DPP6: variants seen among roughly 807,000 people sequenced by gnomAD.
DPP6 encodes dipeptidyl peptidase like 6.
Under a neutral mutation model 122.6 loss-of-function variants are expected in DPP6, and 69 were observed. That is an observed-to-expected ratio of 0.56 (90% CI 0.46 to 0.69). The LOEUF (loss-of-function observed/expected upper bound fraction) is 0.69, where lower values mean the gene tolerates loss of function less well. Ranked by LOEUF, DPP6 falls within the 30% of genes least tolerant of loss-of-function variation. The pLI, the probability that DPP6 is intolerant of heterozygous loss-of-function variation, is 0.00. For synonymous variants in DPP6, 418 were observed against 433.1 expected (o/e 0.97, Z 0.43); for missense variants, 928 against 1,116.9 (o/e 0.83, Z 2.41).
At chr7:154,072,797 C>T (rs981177123) in intron 1 of DPP6, among the ~76,000 whole-genome samples, 1 of 152,256 alleles carries the variant, frequency 6.6e-6, no homozygotes, top group Non-Finnish European at 1.5e-5. Flanking sequence ...GCTTGATGTC[C>T]CTGGTGGTTC....
the DPP6 span, among the ~76,000 whole-genome samples, chr7:153,842,605 C>T: frequency 6.6e-6 from 1 of 152,052 alleles, no homozygotes. Flanking sequence ...TCAGTTTTTA[C>T]ATTTAAATCT....
rs1491144538 is a variant in DPP6 at position 154,608,321 on chromosome 7, A to ATG, written c.628-29499_628-29498insGT. On this transcript the variant is annotated intron_variant, in intron 5 of 25. Transcript: ENST00000377770. The stretch of plus-strand genomic sequence containing the variant: ...ATGCTTGCATTTTTTAGGAGTGATC[A>ATG]TATATATATATATATATATATTTTG... Among the ~76,000 whole-genome samples, 123 of 83,452 alleles carry ATG rather than the reference A, an allele frequency of 1.5e-3. 1 individual carries two copies. The highest frequency in any genetic ancestry group is 2.8e-3 in the Admixed American group (20 of 7,190). The allele number at this position is 83,452 out of a possible 152,430, so 54.7% of individuals were successfully genotyped here.
intron 5 of DPP6, among the ~76,000 whole-genome samples, chr7:154,634,526 C>T (rs1295589212): frequency 1.3e-5 from 2 of 152,108 alleles, no homozygotes; most frequent in Non-Finnish European, 2.9e-5. Context: ...TCCAGATATT[C>T]TATTCTAGTC....
rs935382596 is a variant in DPP6 at position 154,660,261 on chromosome 7, C to T, written c.681-9099C>T. Among the ~76,000 whole-genome samples the T allele has an allele frequency of 8.4e-5, 4 of 47,724 alleles. 1 individual carries two copies. Among genetic ancestry groups the T allele is most frequent in the African/African-American group, 1.5e-4 (4 of 25,844 alleles). The allele number at this position is 47,724 out of a possible 152,430, so 31.3% of individuals were successfully genotyped here. A position where few individuals can be genotyped will look rare whatever the true frequency, so the allele number is the denominator to read the frequency against. Reference sequence around the variant, plus strand: ...ATATAGTCATGGTGAATCACGATGGCGTATTGGCCGTAGTGTTCACGCAGT... The same window carrying T: ...ATATAGTCATGGTGAATCACGATGGTGTATTGGCCGTAGTGTTCACGCAGT... On this transcript the variant is annotated intron_variant, in intron 6 of 25. Coordinates refer to ENST00000377770, the MANE Select transcript of DPP6 (RefSeq NM_130797.4).
intron 1 of DPP6, among the ~76,000 whole-genome samples, chr7:154,374,915 A>G (rs1812999710): frequency 1.3e-5 from 2 of 152,148 alleles, no homozygotes; most frequent in Admixed American, 6.5e-5. Flanking sequence ...CCCGGCCGAC[A>G]TTATAGTTTT....
At chr7:154,283,109 CTCA>C (rs1804633869) in intron 1 of DPP6, among the ~76,000 whole-genome samples, 1 of 152,198 alleles carries the variant, frequency 6.6e-6, no homozygotes, top group Admixed American at 6.5e-5. Flanking sequence ...CGGGACCAGT[CTCA>C]TCTCAGCTTA....
At chr7:154,115,352 A>G (rs1374636634) in intron 1 of DPP6, among the ~76,000 whole-genome samples, 1 of 152,240 alleles carries the variant, frequency 6.6e-6, no homozygotes, top group East Asian at 1.9e-4. Context: ...TCAAAGCCAA[A>G]CAAGATGAAT....
chr7:153,900,108 G>T (rs901257083), intron 1 of DPP6, among the ~76,000 whole-genome samples: 1 of 152,178 alleles, frequency 6.6e-6, no homozygotes, highest in Non-Finnish European at 1.5e-5. Context: ...AGCTCAGAGG[G>T]TGGGTGATTC....
chr7:153,847,221 G>T, the DPP6 span, among the ~76,000 whole-genome samples: 3 of 152,266 alleles, frequency 2.0e-5, no homozygotes, highest in East Asian at 5.8e-4. Flanking sequence ...AGGAATGAAA[G>T]AATGGCTACT....
At chr7:154,250,376 C>T (rs1802276678) in intron 1 of DPP6, among the ~76,000 whole-genome samples, 1 of 152,124 alleles carries the variant, frequency 6.6e-6, no homozygotes, top group Non-Finnish European at 1.5e-5. Context: ...ATGTCAACAC[C>T]TGCAGTGTGG....
At chr7:154,100,210 T>C (rs143815231) in intron 1 of DPP6, among the ~76,000 whole-genome samples, 14,170 of 102,300 alleles carry the variant, frequency 0.14, 2,859 homozygotes, top group East Asian at 0.36. Context: ...TTTTTATTTA[T>C]TTATTTTATT....
chr7:154,257,294 C>T (rs558346977), intron 1 of DPP6, among the ~76,000 whole-genome samples: 15 of 152,030 alleles, frequency 9.9e-5, no homozygotes, highest in African/African-American at 3.6e-4. Flanking sequence ...TGAAACTTCT[C>T]GATTTGCTCT....
intron 2 of DPP6, among the ~76,000 whole-genome samples, chr7:154,466,074 A>G (rs910729047): frequency 6.6e-6 from 1 of 152,200 alleles, no homozygotes; most frequent in African/African-American, 2.4e-5. Flanking sequence ...ATGAAGCTGT[A>G]AACTATCATT....
At chr7:153,803,692 T>A in the DPP6 span, among the ~76,000 whole-genome samples, 1 of 151,390 alleles carries the variant, frequency 6.6e-6, no homozygotes. Flanking sequence ...ATATGTATTA[T>A]ATATGTAAAG....
At position 154,079,856 on chromosome 7, in the gene DPP6, G is replaced by A. The variant is rs1313318980; in HGVS notation, c.243+26793G>A. Among the ~76,000 whole-genome samples, 3 of 151,918 alleles carry A rather than the reference G, an allele frequency of 2.0e-5. 1 individual carries two copies. The Middle Eastern group carries it at 0.01, about 517-fold the overall frequency. On this transcript the variant is annotated intron_variant, in intron 1 of 25. Transcript: ENST00000377770. The stretch of plus-strand genomic sequence containing the variant: ...GTATTTACAACTGCACGATGGCACA[G>A]TTGGTCTCTGGGACTTAGAATTTGT...
chr7:154,759,133 C>T (rs1052394304), intron 8 of DPP6, among the ~76,000 whole-genome samples: 4 of 152,152 alleles, frequency 2.6e-5, no homozygotes, highest in Non-Finnish European at 5.9e-5. Context: ...GCTTCTCCAG[C>T]CCCCTGGTGC....
chr7:153,834,645 G>A, the DPP6 span, among the ~76,000 whole-genome samples: 645 of 152,248 alleles, frequency 4.2e-3, 5 homozygotes, highest in African/African-American at 0.015. Flanking sequence ...CAATGAGATG[G>A]CCAGAACATG....
At chr7:153,863,916 C>A in the DPP6 span, among the ~76,000 whole-genome samples, 1 of 152,138 alleles carries the variant, frequency 6.6e-6, no homozygotes, top group Non-Finnish European at 1.5e-5. Context: ...TACTTTATTC[C>A]CTTTAGTGGC....
chr7:154,511,792 A>T (rs1464520560), intron 3 of DPP6, among the ~76,000 whole-genome samples: 1 of 149,172 alleles, frequency 6.7e-6, no homozygotes, highest in Non-Finnish European at 1.5e-5. Context: ...ATCTTACCAT[A>T]GTGTTATCTT....
Sources: gnomAD v4.1 joint callset for allele counts (sites outside exome capture counted in the v4.1 genomes callset) on GRCh38, gnomAD v4.1.1 for gene constraint, MANE v1.5 for transcripts, NCBI Gene and HGNC (gene_info 2026-07-23, HGNC 2026-07-21) for gene names.